The following GNA14 variants were observed in gnomAD, a reference collection of about 807,000 sequenced individuals.
The protein encoded by GNA14 is G protein subunit alpha 14, also known as guanine nucleotide-binding protein subunit alpha-14.
A neutral mutation model predicts 42.0 loss-of-function variants in GNA14; 50 were observed. That is an observed-to-expected ratio of 1.19 (90% confidence interval 0.95 to 1.51). The LOEUF (loss-of-function observed/expected upper bound fraction) is 1.51. Among genes scored for constraint, GNA14 ranks in the 40% most tolerant of loss-of-function variants. The pLI is 0.00. For synonymous variants in GNA14, 173 were observed against 163.1 expected (o/e 1.06, Z -0.46); for missense variants, 473 against 446.2 (o/e 1.06, Z -0.54).
intron 1 of GNA14, among the ~76,000 whole-genome samples, chr9:77,576,627 T>C (rs1823131907): frequency 6.6e-6 from 1 of 152,168 alleles, no homozygotes; most frequent in African/African-American, 2.4e-5. Context: ...TTTCCCACCT[T>C]TCCCTCCACA....
At chr9:77,522,782 C>G (rs1263739120) in intron 2 of GNA14, among the ~76,000 whole-genome samples, 3 of 152,106 alleles carry the variant, frequency 2.0e-5, no homozygotes, top group Non-Finnish European at 4.4e-5. Flanking sequence ...TTCCAATGTG[C>G]AACCAAGACT....
rs190751746 is a variant in GNA14, at chr9:77,428,148, G to A, written c.723+759C>T. On this transcript the variant is annotated intron_variant, in intron 5 of 6. Transcript: ENST00000341700. Reference sequence around the variant, plus strand: ...GGCTGGAGTGCAGTGGTGCGATCTCGGCTCACTGCAAGCTCCGCCTCCCGG... The same window carrying A: ...GGCTGGAGTGCAGTGGTGCGATCTCAGCTCACTGCAAGCTCCGCCTCCCGG... Among the ~76,000 whole-genome samples the A allele has an allele frequency of 2.5e-4, 36 of 144,416 alleles. 1 individual carries two copies. In the East Asian group the frequency reaches 5.7e-3, roughly 23 times the overall value. 94.7% of individuals were successfully genotyped at this position (144,416 alleles called of 152,430 possible). A position where few individuals can be genotyped will look rare whatever the true frequency, so the allele number is the denominator to read the frequency against.
At chr9:77,516,916 G>C (rs561844576) in intron 2 of GNA14, among the ~76,000 whole-genome samples, 2 of 152,302 alleles carry the variant, frequency 1.3e-5, no homozygotes, top group South Asian at 4.1e-4. Context: ...GAGGATCGTG[G>C]TTGAAAAGAA....
chr9:77,607,248 G>A (rs576704843), intron 1 of GNA14, among the ~76,000 whole-genome samples: 1 of 152,310 alleles, frequency 6.6e-6, no homozygotes, highest in Non-Finnish European at 1.5e-5. Context: ...AGAATTTCAA[G>A]TTAATCACTG....
At chr9:77,480,105 G>C (rs1324317521) in intron 2 of GNA14, among the ~76,000 whole-genome samples, 1 of 152,128 alleles carries the variant, frequency 6.6e-6, no homozygotes, top group African/African-American at 2.4e-5. Context: ...GGAGTGGTGA[G>C]AGAGGGCATC....
In GNA14 at chr9:77,636,430, T is replaced by C. The variant is rs912160992; in HGVS notation, c.124+11240A>G. On this transcript the variant is annotated intron_variant, in intron 1 of 6. Coordinates refer to ENST00000341700, the MANE Select transcript of GNA14 (RefSeq NM_004297.4). ...ACTTGACAACAGGAGTATTACTCTT[T>C]GGATGGAAATATCAGCCATCTTAAT... 5.9e-5 allele frequency among the ~76,000 whole-genome samples: 9 copies of C among 152,268 alleles called. No individual in the cohort carries two copies. In the East Asian group the frequency reaches 1.2e-3, roughly 20 times the overall value.
At chr9:77,429,837 G>GT (rs1367866017) in intron 4 of GNA14, among the ~76,000 whole-genome samples, 2 of 152,088 alleles carry the variant, frequency 1.3e-5, no homozygotes, top group East Asian at 3.9e-4. Context: ...TAGCTCAAAC[G>GT]TTTTTTTAGT....
At chr9:77,586,437 A>G (rs1823303958) in intron 1 of GNA14, among the ~76,000 whole-genome samples, 1 of 152,240 alleles carries the variant, frequency 6.6e-6, no homozygotes, top group Non-Finnish European at 1.5e-5. Flanking sequence ...AATACAATTC[A>G]GAGTGAGGTG....
Position 77,490,414 on chromosome 9 carries a change from C to G in GNA14, c.309+38655G>C, listed in dbSNP as rs111547615. Among the ~76,000 whole-genome samples the G allele has an allele frequency of 8.6e-3, 1,313 of 152,358 alleles. 5 individuals are homozygous for G. The highest frequency in any genetic ancestry group is 0.01 in the Non-Finnish European group (699 of 68,036). On this transcript the variant is annotated intron_variant, in intron 2 of 6. Transcript: ENST00000341700. Reference sequence around the variant, plus strand: ...CTCAGCCCTTGGGCGGTGGATGGGACTGGGCACCATGGAGCAGGGGGCAGC... The same window carrying G: ...CTCAGCCCTTGGGCGGTGGATGGGAGTGGGCACCATGGAGCAGGGGGCAGC...
At chr9:77,501,463 TTGAGGATCATTTCA>T (rs1471936848) in intron 2 of GNA14, among the ~76,000 whole-genome samples, 1 of 152,214 alleles carries the variant, frequency 6.6e-6, no homozygotes, top group Non-Finnish European at 1.5e-5. Flanking sequence ...ATGAATGATA[TTGAGGATCATTTCA>T]TGGATTTGCC....
intron 2 of GNA14, among the ~76,000 whole-genome samples, chr9:77,522,952 A>G (rs1837381306): frequency 6.6e-6 from 1 of 152,218 alleles, no homozygotes; most frequent in South Asian, 2.1e-4. Context: ...CGATTCAAAT[A>G]AAAACATTCA....
At chr9:77,594,384 G>T (rs71511429) in intron 1 of GNA14, among the ~76,000 whole-genome samples, 1 of 152,282 alleles carries the variant, frequency 6.6e-6, no homozygotes, top group South Asian at 2.1e-4. Context: ...CATCGGCTCC[G>T]AGTGTGGAAG....
At chr9:77,435,068 A>C (rs911560879) in intron 2 of GNA14, among the ~76,000 whole-genome samples, 137 of 151,714 alleles carry the variant, frequency 9.0e-4, no homozygotes, top group Admixed American at 2.6e-3. Flanking sequence ...AAAAAAAAAA[A>C]AAAACACTGG....
chr9:77,595,615 AG>A (rs973792950), intron 1 of GNA14, among the ~76,000 whole-genome samples: 1 of 152,176 alleles, frequency 6.6e-6, no homozygotes, highest in Admixed American at 6.5e-5. Context: ...TCTCGAAGCA[AG>A]ATGCTGATTG....
chr9:77,464,897 CAG>C (rs1836194302), intron 2 of GNA14, among the ~76,000 whole-genome samples: 1 of 152,008 alleles, frequency 6.6e-6, no homozygotes, highest in South Asian at 2.1e-4. Context: ...CATGGACACA[CAG>C]AGAGGAGAAT....
intron 2 of GNA14, among the ~76,000 whole-genome samples, chr9:77,502,928 TGTTGGA>T (rs1836999280): frequency 6.6e-6 from 1 of 152,192 alleles, no homozygotes; most frequent in South Asian, 2.1e-4. Context: ...AGCAGGCCTT[TGTTGGA>T]GCTTTTTTGT....
At chr9:77,637,700 T>G (rs1169491512) in intron 1 of GNA14, among the ~76,000 whole-genome samples, 1 of 152,066 alleles carries the variant, frequency 6.6e-6, no homozygotes, top group Non-Finnish European at 1.5e-5. Context: ...AAAGAAATAT[T>G]TAAAACCTAG....
At chr9:77,464,337 GTGTGTGTGTGTATA>G (rs1219868252) in intron 2 of GNA14, among the ~76,000 whole-genome samples, 109 of 133,140 alleles carry the variant, frequency 8.2e-4, no homozygotes, top group African/African-American at 3.0e-3. Context: ...ATATATGTGT[GTGTGTGTGTGTATA>G]TGTGTGTGTG....
At position 77,565,094 on chromosome 9, in the gene GNA14, T is replaced by C. The variant is rs112828759; in HGVS notation, c.125-35841A>G. ...ATGCCTCTGAGTGCTTTCCATGTTG[T>C]AGTTCTCTGTTTTATTACTTTCAAC... On this transcript the variant is annotated intron_variant, in intron 1 of 6. Coordinates refer to ENST00000341700, the MANE Select transcript of GNA14 (RefSeq NM_004297.4). Among the ~76,000 whole-genome samples, 919 of 152,372 alleles carry C rather than the reference T, an allele frequency of 6.0e-3. 8 individuals carry two copies. The highest frequency in any genetic ancestry group is 0.017 in the African/African-American group (706 of 41,582).
Sources: gnomAD v4.1 joint callset for allele counts (sites outside exome capture counted in the v4.1 genomes callset) on GRCh38, gnomAD v4.1.1 for gene constraint, MANE v1.5 for transcripts, NCBI Gene and HGNC (gene_info 2026-07-23, HGNC 2026-07-21) for gene names.